The following MARCHF1 variants were observed in gnomAD, a reference collection of about 807,000 sequenced individuals.
The protein encoded by MARCHF1 is membrane associated ring-CH-type finger 1.
Under a neutral mutation model 54.2 loss-of-function variants are expected in MARCHF1, and 40 were observed. The ratio of observed to expected loss-of-function variants is 0.74; its 90% confidence interval spans 0.57 to 0.96. The LOEUF is 0.96. MARCHF1 is among the 40% of genes least tolerant of loss of function. The pLI is 0.00. For missense variants in MARCHF1, 586 were observed against 656.5 expected, an observed-to-expected ratio of 0.89 and a Z score of 1.17; for synonymous variants, 236 against 236.3, an observed-to-expected ratio of 1.00 and a Z score of 0.01.
At chr4:164,290,535 A>G (rs1035387452) in intron 1 of MARCHF1, among the ~76,000 whole-genome samples, 6 of 151,940 alleles carry the variant, frequency 3.9e-5, no homozygotes, top group African/African-American at 1.4e-4. Context: ...AGAGAAAAAA[A>G]TTGTTTCAGA....
At chr4:164,201,243 T>C (rs1279956015) in intron 1 of MARCHF1, among the ~76,000 whole-genome samples, 2 of 152,000 alleles carry the variant, frequency 1.3e-5, no homozygotes, top group African/African-American at 4.8e-5. Flanking sequence ...TGTTTTGGGA[T>C]GGAGTCTCGC....
intron 3 of MARCHF1, among the ~76,000 whole-genome samples, chr4:163,917,373 A>C (rs1751332782): frequency 6.6e-6 from 1 of 152,236 alleles, no homozygotes; most frequent in Middle Eastern, 3.4e-3. Context: ...ACCATTTTGC[A>C]TTCCAATATC....
intron 1 of MARCHF1, among the ~76,000 whole-genome samples, chr4:164,321,602 A>G (rs1290623560): frequency 6.6e-6 from 1 of 152,160 alleles, no homozygotes; most frequent in East Asian, 1.9e-4. Context: ...AACATCTAGA[A>G]GACCCCTGAA....
Position 163,907,943 on chromosome 4 carries a change from G to A in MARCHF1, c.-38-53774C>T, listed in dbSNP as rs148330668. ...TCATACCAGAAACCTGAAGACTGGTGTTAGAATATATTATTGCACCCCTCT... is the reference window on the plus strand; with the variant it reads ...TCATACCAGAAACCTGAAGACTGGTATTAGAATATATTATTGCACCCCTCT... On this transcript the variant is annotated intron_variant, in intron 3 of 9. Coordinates refer to ENST00000514618, the MANE Select transcript of MARCHF1 (RefSeq NM_001394959.1). Among the ~76,000 whole-genome samples, 508 of 152,256 alleles carry A rather than the reference G, an allele frequency of 3.3e-3. 5 individuals are homozygous for A. The highest frequency in any genetic ancestry group is 0.011 in the African/African-American group (469 of 41,564).
intron 4 of MARCHF1, among the ~76,000 whole-genome samples, chr4:163,768,039 T>A (rs748265627): frequency 6.6e-6 from 1 of 152,156 alleles, no homozygotes; most frequent in African/African-American, 2.4e-5. Context: ...ATTTTTTTTA[T>A]ATCTTTTTCT....
intron 3 of MARCHF1, among the ~76,000 whole-genome samples, chr4:163,938,796 G>A (rs928928321): frequency 6.6e-6 from 1 of 152,120 alleles, no homozygotes; most frequent in East Asian, 1.9e-4. Flanking sequence ...TGGCAGCAAG[G>A]AGAAGCGCAG....
chr4:164,259,579 GA>G (rs1560977910), intron 1 of MARCHF1, among the ~76,000 whole-genome samples: 1 of 126,986 alleles, frequency 7.9e-6, no homozygotes, highest in African/African-American at 3.1e-5. Flanking sequence ...AAAAGAAAAA[GA>G]AAAAAGAAAA....
At chr4:164,300,918 C>T (rs573226917) in intron 1 of MARCHF1, among the ~76,000 whole-genome samples, 14 of 151,986 alleles carry the variant, frequency 9.2e-5, no homozygotes, top group Non-Finnish European at 1.8e-4. Context: ...AAAAAGGAGG[C>T]GACACTTAAA....
Position 164,093,198 on chromosome 4 carries a change from A to T in MARCHF1, c.-248+18390T>A, listed in dbSNP as rs370168703. Among the ~76,000 whole-genome samples, 9 of 152,270 alleles carry T rather than the reference A, an allele frequency of 5.9e-5. No individual in the cohort carries two copies. The East Asian group carries it at 1.7e-3, about 29-fold the overall frequency. On this transcript the variant is annotated intron_variant, in intron 2 of 9. Coordinates refer to ENST00000514618, the MANE Select transcript of MARCHF1 (RefSeq NM_001394959.1). ...TTACAGTAGAAGTACTGGAGATAGT[A>T]TACCTTAAAGTGTGGTTTTTAAATT...
chr4:164,357,061 C>G (rs1247801203), intron 1 of MARCHF1, among the ~76,000 whole-genome samples: 1 of 150,822 alleles, frequency 6.6e-6, no homozygotes, highest in East Asian at 2.0e-4. Context: ...CAAACCCCCA[C>G]AAGTTTACCT....
intron 3 of MARCHF1, among the ~76,000 whole-genome samples, chr4:163,988,173 C>G (rs901600483): frequency 3.3e-5 from 5 of 152,158 alleles, no homozygotes; most frequent in African/African-American, 1.2e-4. Flanking sequence ...ACAGCAATGT[C>G]CAGAGCCAAC....
chr4:163,952,708 T>A (rs571996342), intron 3 of MARCHF1, among the ~76,000 whole-genome samples: 1 of 152,140 alleles, frequency 6.6e-6, no homozygotes, highest in African/African-American at 2.4e-5. Flanking sequence ...AAGTCAATGG[T>A]ATATGAAAGA....
intron 1 of MARCHF1, among the ~76,000 whole-genome samples, chr4:164,166,160 G>T (rs573528829): frequency 2.0e-5 from 3 of 151,910 alleles, no homozygotes; most frequent in Admixed American, 6.6e-5. Context: ...TCAACCTGGG[G>T]ATAGAATTCC....
chr4:163,909,826 A>G (rs958501713), intron 3 of MARCHF1, among the ~76,000 whole-genome samples: 1 of 152,338 alleles, frequency 6.6e-6, no homozygotes, highest in South Asian at 2.1e-4. Context: ...TATAATTAAA[A>G]GACAGATATC....
chr4:163,572,308 T>A (rs533111675), intron 8 of MARCHF1, among the ~76,000 whole-genome samples: 1 of 129,180 alleles, frequency 7.7e-6, no homozygotes, highest in South Asian at 2.8e-4. Flanking sequence ...GAATGTTAGG[T>A]CTCTTTCTTC....
intron 1 of MARCHF1, among the ~76,000 whole-genome samples, chr4:164,195,900 T>C (rs1277870172): frequency 6.6e-6 from 1 of 152,174 alleles, no homozygotes; most frequent in African/African-American, 2.4e-5. Flanking sequence ...TAAAAAATGA[T>C]ACTAATAACT....
At chr4:163,710,262 CACA>C (rs1745068852) in intron 4 of MARCHF1, among the ~76,000 whole-genome samples, 1 of 152,262 alleles carries the variant, frequency 6.6e-6, no homozygotes, top group African/African-American at 2.4e-5. Flanking sequence ...AGACAGCTAT[CACA>C]ACAAGCCATC....
chr4:163,971,561 A>T (rs546429773), intron 3 of MARCHF1, among the ~76,000 whole-genome samples: 1 of 152,202 alleles, frequency 6.6e-6, no homozygotes, highest in Non-Finnish European at 1.5e-5. Flanking sequence ...GTGGGAATGG[A>T]GTAAGTGTTT....
intron 8 of MARCHF1, among the ~76,000 whole-genome samples, chr4:163,576,754 T>C (rs900124245): frequency 6.6e-6 from 1 of 152,024 alleles, no homozygotes; most frequent in South Asian, 2.1e-4. Context: ...ATATTTAGGA[T>C]GGTTAAATCT....
Sources: allele counts gnomAD v4.1 joint callset (sites outside exome capture counted in the v4.1 genomes callset), GRCh38; gene constraint gnomAD v4.1.1; transcripts MANE v1.5; gene names NCBI Gene and HGNC (gene_info 2026-07-23, HGNC 2026-07-21).